Variants in SLCO3A1 observed in about 807,000 individuals in gnomAD.
SLCO3A1 encodes PGE1 transporter.
SLCO3A1 carries 27 observed loss-of-function variants against 63.1 expected under a neutral mutation model. That is an observed-to-expected ratio of 0.43 (90% CI 0.32 to 0.59). The LOEUF (loss-of-function observed/expected upper bound fraction) is 0.59. Ranked by LOEUF, SLCO3A1 falls within the 20% of genes least tolerant of loss-of-function variation. The pLI, the probability that SLCO3A1 is intolerant of heterozygous loss-of-function variation, is 0.09. For missense variants in SLCO3A1, 773 were observed against 945.8 expected (o/e 0.82, Z 2.40); for synonymous variants, 473 against 409.9 (o/e 1.15, Z -1.86).
intron 2 of SLCO3A1, among the ~76,000 whole-genome samples, chr15:92,008,568 AATC>A (rs1308437997): frequency 7.9e-5 from 12 of 152,160 alleles, no homozygotes; most frequent in African/African-American, 2.7e-4. Flanking sequence ...GGCATACTAC[AATC>A]ATCTAGATTC....
chr15:92,123,310 G>A (rs2047884669), intron 5 of SLCO3A1, among the ~76,000 whole-genome samples: 1 of 152,148 alleles, frequency 6.6e-6, no homozygotes, highest in African/African-American at 2.4e-5. Flanking sequence ...GGGAGGCTGA[G>A]GCAGTAGAAT....
intron 3 of SLCO3A1, among the ~76,000 whole-genome samples, chr15:92,102,147 C>T (rs145734062): frequency 6.6e-4 from 101 of 152,258 alleles, no homozygotes; most frequent in Non-Finnish European, 1.2e-3. Context: ...GAGGGAAATA[C>T]TTCAGCTCCC....
At chr15:91,858,525 A>C (rs1186150663) in intron 1 of SLCO3A1, among the ~76,000 whole-genome samples, 2 of 152,164 alleles carry the variant, frequency 1.3e-5, no homozygotes, top group Non-Finnish European at 2.9e-5. Flanking sequence ...CAATAGAAGA[A>C]ACTGAATGAG....
intron 2 of SLCO3A1, among the ~76,000 whole-genome samples, chr15:92,023,832 A>G (rs1001487843): frequency 2.0e-5 from 3 of 152,232 alleles, no homozygotes; most frequent in African/African-American, 7.2e-5. Context: ...CCTCCTACAG[A>G]AACTCATTCT....
At chr15:92,076,238 G>C (rs1333402493) in intron 2 of SLCO3A1, among the ~76,000 whole-genome samples, 1 of 152,152 alleles carries the variant, frequency 6.6e-6, no homozygotes, top group Non-Finnish European at 1.5e-5. Flanking sequence ...CGCTGGAGGT[G>C]AGGTTGGAAA....
intron 2 of SLCO3A1, among the ~76,000 whole-genome samples, chr15:91,965,952 T>C (rs550324844): frequency 9.2e-5 from 14 of 152,130 alleles, no homozygotes; most frequent in Non-Finnish European, 1.5e-4. Context: ...CTCAAGGAGA[T>C]TGTGTGAAGC....
chr15:92,123,907 T>G (rs540708726), intron 5 of SLCO3A1, among the ~76,000 whole-genome samples: 10 of 152,316 alleles, frequency 6.6e-5, no homozygotes, highest in East Asian at 1.9e-4. Flanking sequence ...TGTCTCCCAG[T>G]GATTTCTGTC....
intron 4 of SLCO3A1, among the ~76,000 whole-genome samples, chr15:92,111,410 T>C (rs2047728470): frequency 6.6e-6 from 1 of 152,198 alleles, no homozygotes; most frequent in Admixed American, 6.5e-5. Context: ...ATGCACTCTG[T>C]CCTCAGAACC....
At position 92,139,861 on chromosome 15, in the gene SLCO3A1, C is replaced by G. The variant is rs200977969; in HGVS notation, c.1513-7123C>G. On this transcript the variant is annotated intron_variant, in intron 7 of 9. Transcript: ENST00000318445. ...TTTTTATTGTGTCTATTTGATTCTT[C>G]TCTCTTTTTTTCTTTATTAGTCTTG... 0.023 allele frequency among the ~76,000 whole-genome samples: 3,370 copies of G among 149,070 alleles called. 388 individuals carry two copies. In the East Asian group the frequency reaches 0.34, roughly 15 times the overall value.
intron 7 of SLCO3A1, among the ~76,000 whole-genome samples, chr15:92,144,164 C>T (rs1427881808): frequency 2.0e-5 from 3 of 152,234 alleles, no homozygotes; most frequent in Admixed American, 6.5e-5. Context: ...TTTCTCTTTA[C>T]CCTTCACAGT....
chr15:91,978,965 T>G (rs1441066141), intron 2 of SLCO3A1, among the ~76,000 whole-genome samples: 1 of 152,254 alleles, frequency 6.6e-6, no homozygotes, highest in Non-Finnish European at 1.5e-5. Flanking sequence ...TGGCCTGTGT[T>G]CTGGCACTGA....
rs1341710187 is a variant in SLCO3A1 at position 91,900,808 on chromosome 15, T to C, written c.181-15185T>C. The stretch of plus-strand genomic sequence containing the variant: ...AATTACTTGCCTATTTTAAATTGAG[T>C]TGTTTGTCATTTTACTGTTGATTTG... On this transcript the variant is annotated intron_variant, in intron 1 of 9. Coordinates refer to ENST00000318445, the MANE Select transcript of SLCO3A1 (RefSeq NM_013272.4). The surrounding 1 kb of genome is among the most constrained non-coding windows in gnomAD (Gnocchi z 4.3). Among the ~76,000 whole-genome samples, 3 of 152,214 alleles carry C rather than the reference T, an allele frequency of 2.0e-5. No homozygotes were observed. In the East Asian group the frequency reaches 5.8e-4, roughly 29 times the overall value.
intron 2 of SLCO3A1, among the ~76,000 whole-genome samples, chr15:91,939,791 C>T (rs143371314): frequency 6.6e-6 from 1 of 152,190 alleles, no homozygotes; most frequent in Admixed American, 6.5e-5. Flanking sequence ...GCTATAAAGA[C>T]ATCAGCAGCC....
At chr15:92,044,846 A>G (rs964909820) in intron 2 of SLCO3A1, among the ~76,000 whole-genome samples, 1 of 152,054 alleles carries the variant, frequency 6.6e-6, no homozygotes, top group Non-Finnish European at 1.5e-5. Flanking sequence ...CAACAAGCAG[A>G]TCTTCTAAGG....
chr15:92,066,748 G>A (rs553832830), intron 2 of SLCO3A1, among the ~76,000 whole-genome samples: 23 of 152,296 alleles, frequency 1.5e-4, no homozygotes, highest in East Asian at 5.8e-4. Context: ...ATTGCCTGCC[G>A]GGTGCCCTGT....
At position 92,119,727 on chromosome 15, in the gene SLCO3A1, A is replaced by G. The variant is rs74028806; in HGVS notation, c.1010-738A>G. Among the ~76,000 whole-genome samples, 1,254 of 152,270 alleles carry G rather than the reference A, an allele frequency of 8.2e-3. 19 individuals carry two copies. The highest frequency in any genetic ancestry group is 0.029 in the African/African-American group (1,194 of 41,538). ...CAGACCTCGGGCCATGGCACAGCCTATGGATTTTGACCATTGCAGGGTTTT... is the reference window on the plus strand; with the variant it reads ...CAGACCTCGGGCCATGGCACAGCCTGTGGATTTTGACCATTGCAGGGTTTT... On this transcript the variant is annotated intron_variant, in intron 4 of 9. Coordinates refer to ENST00000318445, the MANE Select transcript of SLCO3A1 (RefSeq NM_013272.4).
chr15:91,988,850 C>A (rs1302985090), intron 2 of SLCO3A1, among the ~76,000 whole-genome samples: 1 of 152,164 alleles, frequency 6.6e-6, no homozygotes, highest in Non-Finnish European at 1.5e-5. Flanking sequence ...CAAGGACAGA[C>A]CATAAATCCT....
At chr15:92,088,560 G>A (rs2047433238) in intron 2 of SLCO3A1, among the ~76,000 whole-genome samples, 1 of 152,162 alleles carries the variant, frequency 6.6e-6, no homozygotes. Context: ...CGCTTCTGGA[G>A]GTCAGACATC....
chr15:92,074,467 C>T (rs146922709), intron 2 of SLCO3A1, among the ~76,000 whole-genome samples: 100 of 152,312 alleles, frequency 6.6e-4, no homozygotes, highest in African/African-American at 2.3e-3. Context: ...ATCGTTTCTC[C>T]AGTTCTGGTC....
Sources: gnomAD v4.1 joint callset for allele counts (sites outside exome capture counted in the v4.1 genomes callset) on GRCh38, gnomAD v4.1.1 for gene constraint, Gnocchi (gnomAD v3.1) non-coding constraint, MANE v1.5 for transcripts, NCBI Gene and HGNC (gene_info 2026-07-23, HGNC 2026-07-21) for gene names.